Variants in GALNTL6 observed in about 807,000 individuals in gnomAD.
GALNTL6 encodes polypeptide N-acetylgalactosaminyltransferase-like 6.
A neutral mutation model predicts 73.7 loss-of-function variants in GALNTL6; 46 were observed. The ratio of observed to expected loss-of-function variants is 0.62; its 90% CI spans 0.49 to 0.80. GALNTL6 has a LOEUF of 0.80. Among genes scored for constraint, GALNTL6 ranks in the 30% least tolerant of loss-of-function variants. The probability of loss-of-function intolerance (pLI) is 0.00; values close to 1 mark genes in which losing one functional copy is unlikely to be tolerated. For missense variants in GALNTL6, 604 were observed against 755.0 expected (o/e 0.80, Z 2.34); for synonymous variants, 259 against 263.7 (o/e 0.98, Z 0.17).
At chr4:172,283,639 CA>C (rs1739140410) in intron 3 of GALNTL6, among the ~76,000 whole-genome samples, 1 of 151,908 alleles carries the variant, frequency 6.6e-6, no homozygotes, top group African/African-American at 2.4e-5. Context: ...AGTATTTGGT[CA>C]GGATAATTTG....
intron 5 of GALNTL6, among the ~76,000 whole-genome samples, chr4:172,493,212 T>C (rs940559899): frequency 6.6e-6 from 1 of 152,206 alleles, no homozygotes; most frequent in Non-Finnish European, 1.5e-5. Context: ...TTTTCAACAG[T>C]GTTTTGAATT....
chr4:172,298,014 C>T (rs937958015), intron 3 of GALNTL6, among the ~76,000 whole-genome samples: 5 of 152,050 alleles, frequency 3.3e-5, no homozygotes, highest in African/African-American at 1.2e-4. Flanking sequence ...TGTTTATATC[C>T]TCTTTTATTT....
intron 2 of GALNTL6, among the ~76,000 whole-genome samples, chr4:172,049,757 G>A (rs1040515827): frequency 6.6e-6 from 1 of 152,156 alleles, no homozygotes; most frequent in Non-Finnish European, 1.5e-5. Flanking sequence ...GCCAAGGCAG[G>A]TGGATCACCT....
intron 2 of GALNTL6, among the ~76,000 whole-genome samples, chr4:171,949,599 CT>C (rs747901389): frequency 3.3e-5 from 5 of 152,074 alleles, no homozygotes; most frequent in Non-Finnish European, 7.3e-5. Context: ...TATTGAAATT[CT>C]CAGATTCAAA....
intron 5 of GALNTL6, among the ~76,000 whole-genome samples, chr4:172,736,251 C>G (rs1736453663): frequency 6.6e-6 from 1 of 152,224 alleles, no homozygotes; most frequent in Non-Finnish European, 1.5e-5. Flanking sequence ...TTATCTACAA[C>G]TGCATAAGAC....
At chr4:171,891,124 C>T (rs1736748111) in intron 2 of GALNTL6, among the ~76,000 whole-genome samples, 1 of 152,178 alleles carries the variant, frequency 6.6e-6, no homozygotes, top group South Asian at 2.1e-4. Flanking sequence ...CCTACCCTGA[C>T]GTTATAGGAA....
chr4:172,258,362 G>A (rs951606578), intron 3 of GALNTL6, among the ~76,000 whole-genome samples: 2 of 151,140 alleles, frequency 1.3e-5, no homozygotes, highest in Non-Finnish European at 3.0e-5. Context: ...ACACAAACAC[G>A]TTTAGGTCTA....
chr4:172,894,688 G>A (rs943847910), intron 8 of GALNTL6, among the ~76,000 whole-genome samples: 1 of 152,032 alleles, frequency 6.6e-6, no homozygotes, highest in Admixed American at 6.5e-5. Flanking sequence ...TGTCTGTTAG[G>A]TCCATTTGTT....
At chr4:172,176,683 G>T (rs557059208) in intron 2 of GALNTL6, among the ~76,000 whole-genome samples, 1 of 152,070 alleles carries the variant, frequency 6.6e-6, no homozygotes, top group Non-Finnish European at 1.5e-5. Context: ...TAGCTACTGT[G>T]CAGGCTGAGG....
intron 5 of GALNTL6, among the ~76,000 whole-genome samples, chr4:172,639,451 G>C (rs763889676): frequency 2.0e-5 from 3 of 151,946 alleles, no homozygotes; most frequent in Non-Finnish European, 4.4e-5. Context: ...TAAAACCACA[G>C]CTCTTCACCT....
At chr4:172,209,289 T>C (rs531052906) in intron 2 of GALNTL6, among the ~76,000 whole-genome samples, 1 of 152,078 alleles carries the variant, frequency 6.6e-6, no homozygotes, top group Admixed American at 6.5e-5. Context: ...ACAAGCTCAG[T>C]GTATATAGGT....
chr4:173,004,652 A>C (rs1164191316), intron 10 of GALNTL6, among the ~76,000 whole-genome samples: 1 of 152,136 alleles, frequency 6.6e-6, no homozygotes, highest in Non-Finnish European at 1.5e-5. Flanking sequence ...AAATAAATAA[A>C]TAAATAAAAT....
At chr4:172,875,770 AAT>A (rs1561007533) in intron 7 of GALNTL6, among the ~76,000 whole-genome samples, 7 of 98,160 alleles carry the variant, frequency 7.1e-5, no homozygotes, top group Admixed American at 1.1e-4. Context: ...CACACACACA[AAT>A]AAGAACAAAA....
intron 7 of GALNTL6, among the ~76,000 whole-genome samples, chr4:172,818,813 G>A (rs1741755956): frequency 6.6e-6 from 1 of 152,150 alleles, no homozygotes; most frequent in South Asian, 2.1e-4. Context: ...TGGTCAGGCT[G>A]GTCTTGAACT....
chr4:172,490,795 T>A (rs1227474906), intron 5 of GALNTL6, among the ~76,000 whole-genome samples: 1 of 152,154 alleles, frequency 6.6e-6, no homozygotes, highest in Non-Finnish European at 1.5e-5. Context: ...CTGAAACTTA[T>A]AAAATCTACC....
intron 5 of GALNTL6, among the ~76,000 whole-genome samples, chr4:172,678,771 A>G (rs1005101212): frequency 6.6e-6 from 1 of 152,216 alleles, no homozygotes. Flanking sequence ...CTCAGCTTAC[A>G]TATCAACTGA....
intron 2 of GALNTL6, among the ~76,000 whole-genome samples, chr4:172,130,707 T>A (rs1733465105): frequency 6.6e-6 from 1 of 152,140 alleles, no homozygotes; most frequent in East Asian, 1.9e-4. Flanking sequence ...TTTAATCACA[T>A]GATTTTTAAC....
intron 2 of GALNTL6, among the ~76,000 whole-genome samples, chr4:171,835,322 G>A (rs545152303): frequency 6.6e-6 from 1 of 152,002 alleles, no homozygotes; most frequent in Non-Finnish European, 1.5e-5. Flanking sequence ...GTGTCTCCGT[G>A]TATCTGTGTG....
chr4:171,872,064 CTT>C (rs148367682), intron 2 of GALNTL6, among the ~76,000 whole-genome samples: 173 of 148,376 alleles, frequency 1.2e-3, no homozygotes, highest in Non-Finnish European at 2.1e-3. Flanking sequence ...TGTTTAGATG[CTT>C]TTTTTTTTGC....
Sources: gnomAD v4.1 joint callset for allele counts (sites outside exome capture counted in the v4.1 genomes callset) on GRCh38, gnomAD v4.1.1 for gene constraint, MANE v1.5 for transcripts, NCBI Gene and HGNC (gene_info 2026-07-23, HGNC 2026-07-21) for gene names.